The following FILIP1L variants were observed in gnomAD, a reference collection of about 807,000 sequenced individuals.
FILIP1L encodes the protein filamin A interacting protein 1 like.
A neutral mutation model predicts 96.6 loss-of-function variants in FILIP1L; 55 were observed. That is an observed-to-expected ratio of 0.57 (90% confidence interval 0.46 to 0.71). FILIP1L has a LOEUF of 0.71. Ranked by LOEUF, FILIP1L falls within the 30% of genes least tolerant of loss-of-function variation. The pLI, the probability that FILIP1L is intolerant of heterozygous loss-of-function variation, is 0.00. For synonymous variants in FILIP1L, 467 were observed against 473.9 expected (o/e 0.99, Z 0.19); for missense variants, 1,304 against 1,321.2 (o/e 0.99, Z 0.20).
At chr3:99,864,388 T>C (rs1052982680) in intron 4 of FILIP1L, among the ~76,000 whole-genome samples, 21 of 152,146 alleles carry the variant, frequency 1.4e-4, no homozygotes, top group African/African-American at 4.8e-4. Context: ...TTATAGCAAC[T>C]GTATGAGCTA....
rs141778095 is a variant in FILIP1L at position 100,044,369 on chromosome 3, CAG to C, written c.-11+69682_-11+69683del. On this transcript the variant is annotated intron_variant, in intron 1 of 5. Transcript: ENST00000477258. ...TACATCATAGTATAAAGAAGTAACA[CAG>C]GGGTAATCTGTCAAGGGGGGCAGTG... Among the ~76,000 whole-genome samples the C allele has an allele frequency of 4.5e-3, 691 of 151,888 alleles. 7 individuals are homozygous for C. Among genetic ancestry groups the C allele is most frequent in the African/African-American group, 0.016 (673 of 41,252 alleles).
At position 99,850,384 on chromosome 3, in the gene FILIP1L, T is replaced by C; in HGVS notation, c.1292A>G (p.Glu431Gly). ...SKRIMALEKL[E>G]DAFNKSKQEC... ...TTGTTTGCTTTTGTTGAAAGCGTCT[T>C]CTAACTTTTCCAGAGCCATAATTCT... The change falls in exon 5 of 6, where the codon GAA (glutamate) becomes GGA (glycine). Residue 431 changes from glutamate (E) to glycine (G), a missense_variant. Physicochemically the swap from Glu to Gly is moderately conservative, Grantham distance 98. Transcript: ENST00000477258. The C allele has an allele frequency of 6.2e-7, 1 of 1,613,446 alleles. No individual in the cohort carries two copies. The highest frequency in any genetic ancestry group is 8.5e-7 in the Non-Finnish European group (1 of 1,179,902).
At chr3:100,016,807 CTTTTCTT>C (rs1392933152) in intron 1 of FILIP1L, among the ~76,000 whole-genome samples, 1 of 152,140 alleles carries the variant, frequency 6.6e-6, no homozygotes, top group African/African-American at 2.4e-5. Context: ...TCCTTTATCT[CTTTTCTT>C]AATAGTGCTT....
At chr3:99,900,467 C>T (rs536980339) in intron 4 of FILIP1L, among the ~76,000 whole-genome samples, 1 of 152,162 alleles carries the variant, frequency 6.6e-6, no homozygotes, top group African/African-American at 2.4e-5. Flanking sequence ...TCATAAATAA[C>T]CAGATTTCAG....
At chr3:100,105,417 C>T (rs1489132472) in intron 1 of FILIP1L, among the ~76,000 whole-genome samples, 1 of 152,160 alleles carries the variant, frequency 6.6e-6, no homozygotes, top group Non-Finnish European at 1.5e-5. Context: ...TTTGAATCAA[C>T]TGCAATTCGT....
chr3:99,849,734 C>A lies in FILIP1L; in HGVS notation c.1942G>T (p.Asp648Tyr). The A allele has an allele frequency of 1.2e-6, 2 of 1,613,832 alleles. No homozygotes were observed. The highest frequency in any genetic ancestry group is 1.1e-5 in the South Asian group (1 of 91,066). Residue 648 changes from aspartate to tyrosine, a missense_variant, in exon 5 of 6, where the codon GAC becomes TAC. Transcript: ENST00000477258. ...TATTCATCTTCTGTTTTCATGAGGT[C>A]ATCCTCAATGGCTTTCATGTCCTTT... ...KLKDMKAIED[D>Y]LMKTEDEYET...
chr3:99,879,331 G>T (rs1329389227), intron 4 of FILIP1L, among the ~76,000 whole-genome samples: 2 of 152,146 alleles, frequency 1.3e-5, no homozygotes, highest in Non-Finnish European at 2.9e-5. Flanking sequence ...CAGTTTCCCT[G>T]GTTCGAGCTA....
intron 1 of FILIP1L, among the ~76,000 whole-genome samples, chr3:99,948,709 AGGAAGGGAAAGGGAAGT>A (rs1708087766): frequency 6.7e-6 from 1 of 149,876 alleles, no homozygotes; most frequent in African/African-American, 2.5e-5. Context: ...AGAAAGGGAG[AGGAAGGGAAAGGGAAGT>A]GGAAGGGAAG....
intron 1 of FILIP1L, among the ~76,000 whole-genome samples, chr3:100,015,571 C>T (rs183327078): frequency 1.5e-3 from 227 of 152,234 alleles, no homozygotes; most frequent in Middle Eastern, 3.4e-3. Context: ...TTCTTGGTTT[C>T]AAGTTCATTG....
chr3:100,092,227 C>T (rs925220649), intron 1 of FILIP1L, among the ~76,000 whole-genome samples: 1 of 151,984 alleles, frequency 6.6e-6, no homozygotes, highest in Non-Finnish European at 1.5e-5. Context: ...TATTCTATAA[C>T]AGTATTAAAT....
intron 4 of FILIP1L, chr3:99,876,284 C>G (rs1214575662): frequency 3.0e-5 from 27 of 903,698 alleles, no homozygotes; most frequent in South Asian, 5.1e-5. Context: ...CCGCGGGACC[C>G]TCGGCCGCGG....
At chr3:100,028,017 G>A (rs2064958758) in intron 1 of FILIP1L, among the ~76,000 whole-genome samples, 1 of 152,156 alleles carries the variant, frequency 6.6e-6, no homozygotes, top group South Asian at 2.1e-4. Flanking sequence ...GTACTGAAAT[G>A]ATGGGGTTGG....
intron 1 of FILIP1L, among the ~76,000 whole-genome samples, chr3:100,092,121 T>C (rs1265198580): frequency 6.6e-6 from 1 of 152,204 alleles, no homozygotes; most frequent in African/African-American, 2.4e-5. Flanking sequence ...TTAGAAAAAA[T>C]GCATACTTCC....
Position 99,848,638 on chromosome 3 carries a change from G to A in FILIP1L, c.3038C>T (p.Ser1013Phe). The A allele has an allele frequency of 6.2e-7, 1 of 1,614,188 alleles. No individual in the cohort carries two copies. Among genetic ancestry groups the A allele is most frequent in the Non-Finnish European group, 8.5e-7 (1 of 1,180,036 alleles). Reference protein sequence around the residue: ...QVLAVTGSASSPEQGRSPEPT... With the variant: ...QVLAVTGSASFPEQGRSPEPT... ...TTCTGGGGAGCGTCCCTGCTCAGGAGAGCTAGCTGAACCAGTCACAGCCAA... is the reference window on the plus strand; with the variant it reads ...TTCTGGGGAGCGTCCCTGCTCAGGAAAGCTAGCTGAACCAGTCACAGCCAA... The change falls in exon 5 of 6, where the codon TCT becomes TTT. Residue 1013 changes from serine to phenylalanine, a missense_variant. Ser to Phe is a radical substitution (Grantham distance 155, BLOSUM62 -2). Transcript: ENST00000477258.
intron 1 of FILIP1L, among the ~76,000 whole-genome samples, chr3:99,948,596 AAG>A (rs1190200326): frequency 1.4e-5 from 2 of 141,214 alleles, no homozygotes; most frequent in East Asian, 2.3e-4. Context: ...GGGAGAGAGA[AAG>A]AGAGGGGAGG....
intron 4 of FILIP1L, among the ~76,000 whole-genome samples, chr3:99,868,348 A>G (rs1157651404): frequency 6.6e-6 from 1 of 152,180 alleles, no homozygotes; most frequent in African/African-American, 2.4e-5. Flanking sequence ...TCCACTTCAC[A>G]GCTGGGTGTC....
chr3:100,013,670 A>T (rs556749561), intron 1 of FILIP1L, among the ~76,000 whole-genome samples: 1 of 152,250 alleles, frequency 6.6e-6, no homozygotes, highest in Non-Finnish European at 1.5e-5. Flanking sequence ...CAGTGAAATG[A>T]TATTTTTTCC....
intron 1 of FILIP1L, among the ~76,000 whole-genome samples, chr3:100,080,660 G>A (rs1450014912): frequency 6.6e-6 from 1 of 152,206 alleles, no homozygotes. Flanking sequence ...GAGGCAGTGG[G>A]GATGGCAGAA....
At chr3:100,089,151 T>C (rs1237759043) in intron 1 of FILIP1L, among the ~76,000 whole-genome samples, 1 of 152,220 alleles carries the variant, frequency 6.6e-6, no homozygotes, top group Non-Finnish European at 1.5e-5. Flanking sequence ...TAACATGAAG[T>C]GTCTAGACAT....
Sources: allele counts gnomAD v4.1 joint callset (sites outside exome capture counted in the v4.1 genomes callset), GRCh38; gene constraint gnomAD v4.1.1; transcripts MANE v1.5; gene names NCBI Gene and HGNC (gene_info 2026-07-23, HGNC 2026-07-21).